AKAP12: variants seen among roughly 807,000 people sequenced by gnomAD.
AKAP12 encodes the protein A-kinase anchor protein 12.
AKAP12 carries 32 observed loss-of-function variants against 79.9 expected under a neutral mutation model. The observed-to-expected ratio is 0.40, with a 90% CI of 0.30 to 0.54. The LOEUF is 0.54. Ranked by LOEUF, AKAP12 falls within the 20% of genes least tolerant of loss-of-function variation. AKAP12 has a pLI of 0.48. For missense variants in AKAP12, 2,074 were observed against 2,177.0 expected (o/e 0.95, Z 0.94); for synonymous variants, 808 against 857.0 (o/e 0.94, Z 1.00).
chr6:151,331,108 C>A (rs1777655081), intron 3 of AKAP12, among the ~76,000 whole-genome samples: 1 of 152,162 alleles, frequency 6.6e-6, no homozygotes. Context: ...TGAAACACTT[C>A]AGTAATTCTT....
chr6:151,340,759 T>G (rs1219149755), intron 3 of AKAP12, among the ~76,000 whole-genome samples: 2 of 132,920 alleles, frequency 1.5e-5, no homozygotes. Flanking sequence ...CAAAACCCCA[T>G]TGTGTTTTTG....
intron 3 of AKAP12, among the ~76,000 whole-genome samples, chr6:151,334,965 GA>G (rs1777776417): frequency 6.6e-6 from 1 of 152,094 alleles, no homozygotes; most frequent in Non-Finnish European, 1.5e-5. Context: ...TTCTGGTCCT[GA>G]AAATCAAGAG....
rs186461789 is a variant in AKAP12 at position 151,282,266 on chromosome 6, C to G, written c.163-23481C>G. 7.8e-3 allele frequency among the ~76,000 whole-genome samples: 1,179 copies of G among 152,106 alleles called. 14 individuals are homozygous for G. The highest frequency in any genetic ancestry group is 0.027 in the African/African-American group (1,107 of 41,524). On this transcript the variant is annotated intron_variant, in intron 2 of 4. Coordinates refer to ENST00000402676, the MANE Select transcript of AKAP12 (RefSeq NM_005100.4). ...CTGGGACTACAGGCGCGTGCCACCACGCCCAGCTAATTTTTGTATTTTTAG... is the reference window on the plus strand; with the variant it reads ...CTGGGACTACAGGCGCGTGCCACCAGGCCCAGCTAATTTTTGTATTTTTAG...
intron 3 of AKAP12, among the ~76,000 whole-genome samples, chr6:151,339,666 A>G (rs1777899692): frequency 6.6e-6 from 1 of 152,132 alleles, no homozygotes. Flanking sequence ...CCAATACATA[A>G]TGATGTGTAC....
chr6:151,345,832 G>C (rs1778080670), intron 3 of AKAP12, among the ~76,000 whole-genome samples: 1 of 147,666 alleles, frequency 6.8e-6, no homozygotes, highest in Non-Finnish European at 1.5e-5. Context: ...ATTCAGACAA[G>C]CAAAACTAAA....
chr6:151,339,755 C>CG (rs1010595039), intron 3 of AKAP12, among the ~76,000 whole-genome samples: 8 of 152,102 alleles, frequency 5.3e-5, no homozygotes, highest in Admixed American at 1.3e-4. Context: ...CCTTCCTCCC[C>CG]CAACCCCTGG....
rs1046905265 is a variant in AKAP12, at chr6:151,352,658, G to A, written c.4267G>A (p.Ala1423Thr). Reference sequence around the variant, plus strand: ...CTCTGAGGCATCATTCACTCTAACAGCGGCTGCAGAGGAGGAAAAGGTCTT... The same window carrying A: ...CTCTGAGGCATCATTCACTCTAACAACGGCTGCAGAGGAGGAAAAGGTCTT... ...QSSEASFTLT[A>T]AAEEEKVLGE... Residue 1423 changes from alanine to threonine, a missense_variant, in exon 4 of 5, where the codon GCG becomes ACG. Physicochemically the swap from Ala to Thr is moderately conservative, Grantham distance 58. Coordinates refer to ENST00000402676, the MANE Select transcript of AKAP12 (RefSeq NM_005100.4). 1.2e-6 allele frequency: 2 copies of A among 1,614,058 alleles called. No homozygotes were observed. Among genetic ancestry groups the A allele is most frequent in the African/African-American group, 2.7e-5 (2 of 74,920 alleles).
chr6:151,314,172 C>T (rs892454577), intron 3 of AKAP12, among the ~76,000 whole-genome samples: 1 of 151,806 alleles, frequency 6.6e-6, no homozygotes, highest in Non-Finnish European at 1.5e-5. Flanking sequence ...GAATTACAGG[C>T]GTGCACCACC....
rs373139521 is a variant in AKAP12 at position 151,350,959 on chromosome 6, A to T, written c.2568A>T (p.Glu856Asp). The change falls in exon 4 of 5, where the codon GAA (glutamate) becomes GAT (aspartate). Residue 856 changes from glutamate (E) to aspartate (D), a missense_variant. Glu to Asp is a conservative substitution (Grantham distance 45). Transcript: ENST00000402676. The surrounding 1 kb of genome is among the most constrained non-coding windows in gnomAD (Gnocchi z 4.8). Reference sequence around the variant, plus strand: ...CTCTGTCTGAGTATGATGCTGTAGAAAGGGAGAAAATGGAGGCACAGCAAG... The same window carrying T: ...CTCTGTCTGAGTATGATGCTGTAGATAGGGAGAAAATGGAGGCACAGCAAG... ...VVPLSEYDAV[E>D]REKMEAQQAQ... 3 of 1,613,870 alleles carry T rather than the reference A, an allele frequency of 1.9e-6. No individual in the cohort carries two copies. Among genetic ancestry groups the T allele is most frequent in the Non-Finnish European group, 1.7e-6 (2 of 1,180,002 alleles).
At position 151,349,939 on chromosome 6, in the gene AKAP12, AAAG is replaced by A; in HGVS notation, c.1552_1554del (p.Lys518del). Reference sequence around the variant, plus strand: ...GAATGAAGGTGCAGGGAAGTCCACTAAAGAAGCTTTTTACCAGCACTGGCTTAA... The same window carrying A: ...GAATGAAGGTGCAGGGAAGTCCACTAAAGCTTTTTACCAGCACTGGCTTAA... On this transcript the variant is annotated inframe_deletion, in exon 4 of 5. Coordinates refer to ENST00000402676, the MANE Select transcript of AKAP12 (RefSeq NM_005100.4). 1 of 1,614,184 alleles carries A rather than the reference AAAG, an allele frequency of 6.2e-7. No individual in the cohort carries two copies. Among genetic ancestry groups the A allele is most frequent in the South Asian group, 1.1e-5 (1 of 91,078 alleles).
chr6:151,277,682 A>T (rs1015296672), intron 2 of AKAP12, among the ~76,000 whole-genome samples: 1 of 152,250 alleles, frequency 6.6e-6, no homozygotes, highest in Non-Finnish European at 1.5e-5. Context: ...TTATTTTAAC[A>T]GGAATATAAA....
chr6:151,291,830 C>T (rs543999435), intron 2 of AKAP12, among the ~76,000 whole-genome samples: 2 of 152,130 alleles, frequency 1.3e-5, no homozygotes, highest in Non-Finnish European at 2.9e-5. Flanking sequence ...AGGCATTTCT[C>T]GAAGTCACTT....
intron 3 of AKAP12, among the ~76,000 whole-genome samples, chr6:151,345,932 T>TGTGTGAGAGAGAGAGA (rs1349850485): frequency 3.9e-5 from 4 of 101,376 alleles, no homozygotes; most frequent in African/African-American, 1.7e-4. Flanking sequence ...TGTGTGTGTG[T>TGTGTGAGAGAGAGAGA]GAGAGAGAGA....
chr6:151,333,445 G>A (rs1338640988), intron 3 of AKAP12, among the ~76,000 whole-genome samples: 10 of 152,126 alleles, frequency 6.6e-5, no homozygotes, highest in Admixed American at 5.9e-4. Flanking sequence ...CAGCATGCAG[G>A]GAGCATGTAA....
chr6:151,319,175 A>G (rs1375719558), intron 3 of AKAP12, among the ~76,000 whole-genome samples: 1 of 152,104 alleles, frequency 6.6e-6, no homozygotes, highest in Non-Finnish European at 1.5e-5. Context: ...TTTCTGTTGT[A>G]TCATAACAAT....
Position 151,340,235 on chromosome 6 carries a change from G to GTT in AKAP12, c.320-8460_320-8459dup, listed in dbSNP as rs35700566. On this transcript the variant is annotated intron_variant, in intron 3 of 4. Transcript: ENST00000402676. ...TCATGAGCCACCGCGCCCAGCGGTG[G>GTT]TTTTTTTTTTTTTTTTTAGTGCTGA... is the stretch of plus-strand genomic sequence containing the variant. Among the ~76,000 whole-genome samples the GTT allele has an allele frequency of 3.2e-3, 421 of 133,616 alleles. 4 individuals are homozygous for GTT. The highest frequency in any genetic ancestry group is 0.015 in the East Asian group (70 of 4,578). 87.7% of individuals were successfully genotyped at this position (133,616 alleles called of 152,430 possible). A position where few individuals can be genotyped will look rare whatever the true frequency, so the allele number is the denominator to read the frequency against.
chr6:151,305,222 A>G (rs1323402582), intron 2 of AKAP12, among the ~76,000 whole-genome samples: 1 of 132,950 alleles, frequency 7.5e-6, no homozygotes, highest in Non-Finnish European at 1.6e-5. Flanking sequence ...GGCTCTGTTT[A>G]TTGTTATTTG....
intron 2 of AKAP12, among the ~76,000 whole-genome samples, chr6:151,264,147 C>T (rs1308315688): frequency 6.6e-6 from 1 of 152,090 alleles, no homozygotes; most frequent in Non-Finnish European, 1.5e-5. Flanking sequence ...TGGAGAACAT[C>T]CGCTTGGCTG....
Position 151,351,506 on chromosome 6 carries a change from A to G in AKAP12, c.3115A>G (p.Thr1039Ala). 1 of 1,614,146 alleles carries G rather than the reference A, an allele frequency of 6.2e-7. No homozygotes were observed. The highest frequency in any genetic ancestry group is 1.3e-5 in the African/African-American group (1 of 75,048). ...TGACATAGAAGAGCAAGAGAGGCGG[A>G]CTCAAGAGGTCCTCCAGGCAGTGGC... ...VPDIEEQERR[T>A]QEVLQAVAEK... The change falls in exon 4 of 5, where the codon ACT becomes GCT. Residue 1039 changes from threonine to alanine, a missense_variant. Thr to Ala is a moderately conservative substitution (Grantham distance 58). Around this residue, in one of 3 missense-constraint regions of AKAP12, gnomAD observed 1,428 missense variants for 1,451.0 expected, o/e 0.98. Coordinates refer to ENST00000402676, the MANE Select transcript of AKAP12 (RefSeq NM_005100.4). This position sits in a 1 kb window ranked among gnomAD's most constrained non-coding sequence, Gnocchi z 4.4.
Sources: allele counts gnomAD v4.1 joint callset (sites outside exome capture counted in the v4.1 genomes callset), GRCh38; gene constraint gnomAD v4.1.1; regional missense constraint gnomAD v4.1.1; non-coding constraint Gnocchi (gnomAD v3.1); transcripts MANE v1.5; gene names NCBI Gene and HGNC (gene_info 2026-07-23, HGNC 2026-07-21).